Variants in GLS observed in about 807,000 individuals in gnomAD.
GLS encodes glutaminase, also known as glutaminase kidney isoform, mitochondrial.
GLS carries 36 observed loss-of-function variants against 86.7 expected under a neutral mutation model. That is an observed-to-expected ratio of 0.42 (90% CI 0.32 to 0.55). The LOEUF (loss-of-function observed/expected upper bound fraction) is 0.55. Ranked by LOEUF, GLS falls within the 20% of genes least tolerant of loss-of-function variation. The probability of loss-of-function intolerance (pLI) is 0.17; values close to 1 mark genes in which losing one functional copy is unlikely to be tolerated. For missense variants in GLS, 528 were observed against 833.4 expected, an observed-to-expected ratio of 0.63 and a Z score of 4.51; for synonymous variants, 317 against 305.9, an observed-to-expected ratio of 1.04 and a Z score of -0.38.
chr2:190,903,433 G>T (rs1395101790), intron 5 of GLS, among the ~76,000 whole-genome samples: 1 of 152,166 alleles, frequency 6.6e-6, no homozygotes, highest in Non-Finnish European at 1.5e-5. Flanking sequence ...ACCATGTGTT[G>T]AATTAAATGT....
At chr2:190,881,668 C>T in intron 1 of GLS, 198 bp downstream of exon 1, 1 of 529,368 alleles carries the variant, frequency 1.9e-6, no homozygotes, top group Non-Finnish European at 3.2e-6. Context: ...CAACCCTCCG[C>T]CAGGCACCCA....
intron 14 of GLS, chr2:190,934,266 C>G: frequency 3.1e-6 from 3 of 954,224 alleles, no homozygotes; most frequent in Non-Finnish European, 3.7e-6. Flanking sequence ...ATTTTAGATA[C>G]TAGTGCAAAT....
At position 190,881,264 on chromosome 2, in the gene GLS, G is replaced by T; in HGVS notation, c.180G>T (p.Gly60=). 1 of 1,291,994 alleles carries T rather than the reference G, an allele frequency of 7.7e-7. No homozygotes were observed. 80.0% of individuals were successfully genotyped at this position (1,291,994 alleles called of 1,614,324 possible). Residue 60 remains glycine (G), a synonymous_variant, in exon 1 of 18, where the codon GGG becomes GGT. Coordinates refer to ENST00000320717, the MANE Select transcript of GLS (RefSeq NM_014905.5). ...CGCGACTCCACCCGTGGTGGGGCGG[G>T]GGCGGCTGGCCGGCGGAGCCCCTCG... The part of the protein sequence containing the change: ...AAARLHPWWG[G]GGWPAEPLAR...
Position 190,955,945 on chromosome 2 carries a change from A to C in GLS, c.1853+1127A>C, listed in dbSNP as rs1690851025. On this transcript the variant is annotated intron_variant, in intron 17 of 17. Transcript: ENST00000320717. The surrounding 1 kb of genome is among the most constrained non-coding windows in gnomAD (Gnocchi z 5.6). ...CTTCTTTTGAGAAGTGTCTGTTCAC[A>C]TCCTTCACCCACTTTTTGATGGGGT... is the stretch of plus-strand genomic sequence containing the variant. Among the ~76,000 whole-genome samples the C allele has an allele frequency of 6.6e-6, 1 of 152,220 alleles. No individual in the cohort carries two copies. Among genetic ancestry groups the C allele is most frequent in the Non-Finnish European group, 1.5e-5 (1 of 68,028 alleles).
rs1002861468 is a variant in GLS, at chr2:190,927,306, C to T, written c.1249C>T (p.Leu417=). ...GAATTCTGCTTTTTCTTTGTGTTAG[C>T]TGTGCTCCATTGAAGTGACTTGTGA... is the stretch of plus-strand genomic sequence containing the variant. ...MVGILDFYFQ[L]CSIEVTCESA... The change falls in exon 12 of 18, where the codon CTG becomes TTG. Residue 417 remains leucine (L), a splice_region_variant and synonymous_variant. Coordinates refer to ENST00000320717, the MANE Select transcript of GLS (RefSeq NM_014905.5). 2 of 1,604,794 alleles carry T rather than the reference C, an allele frequency of 1.2e-6. No homozygotes were observed. The highest frequency in any genetic ancestry group is 8.5e-7 in the Non-Finnish European group (1 of 1,176,312).
rs917588099 is a variant in GLS, at chr2:190,920,501, C to A, written c.1039-523C>A. On this transcript the variant is annotated intron_variant, in intron 7 of 17. Coordinates refer to ENST00000320717, the MANE Select transcript of GLS (RefSeq NM_014905.5). The surrounding 1 kb of genome is among the most constrained non-coding windows in gnomAD (Gnocchi z 4.2). ...GAGCTTTCTCTGCAGTAGTAAAATGCAACCAGAATGTTTGCATATACTGGA... is the reference window on the plus strand; with the variant it reads ...GAGCTTTCTCTGCAGTAGTAAAATGAAACCAGAATGTTTGCATATACTGGA... 1.8e-4 allele frequency among the ~76,000 whole-genome samples: 27 copies of A among 151,718 alleles called. No homozygotes were observed. The highest frequency in any genetic ancestry group is 1.5e-4 in the Non-Finnish European group (10 of 67,726).
rs759447794 is a variant in GLS, at chr2:190,895,714, T to G, written c.594T>G (p.Asp198Glu). 8.9e-6 allele frequency: 14 copies of G among 1,575,208 alleles called. No homozygotes were observed. The African/African-American group carries it at 1.6e-4, about 18-fold the overall frequency. ...CAGATGGTGTCATGCTAGACAAAGA[T>G]CTTTTTAAAAAGTAAAAGTTTCTGC... ...TTSDGVMLDK[D>E]LFKKCVQSNI... Residue 198 changes from aspartate (D) to glutamate (E), a missense_variant, in exon 3 of 18, where the codon GAT becomes GAG. Around this residue, in one of 4 missense-constraint regions of GLS, gnomAD observed 111 missense variants for 179.5 expected, o/e 0.62. Transcript: ENST00000320717. This position sits in a 1 kb window ranked among gnomAD's most constrained non-coding sequence, Gnocchi z 4.2.
At chr2:190,910,235 A>G (rs758409110) in intron 6 of GLS, 28 bp from the exon 7 acceptor site, 30 of 1,280,364 alleles carry the variant, frequency 2.3e-5, no homozygotes, top group Non-Finnish European at 3.1e-5. Flanking sequence ...AGTATTTGAA[A>G]TAATGGTATT....
chr2:190,940,238 G>T (rs1690386789), intron 14 of GLS, among the ~76,000 whole-genome samples: 1 of 151,862 alleles, frequency 6.6e-6, no homozygotes, highest in Non-Finnish European at 1.5e-5. Flanking sequence ...TGTAAATAAA[G>T]AATGAACTAA....
At chr2:190,942,575 T>C (rs899953917) in intron 14 of GLS, among the ~76,000 whole-genome samples, 5 of 152,138 alleles carry the variant, frequency 3.3e-5, no homozygotes, top group Non-Finnish European at 7.4e-5. Flanking sequence ...GTGATCGTTT[T>C]TGGTGGGTGA....
chr2:190,935,266 C>G lies in GLS; in HGVS notation c.1650+3629C>G, dbSNP rs565255405. On this transcript the variant is annotated intron_variant, in intron 14 of 17. Transcript: ENST00000320717. This position sits in a 1 kb window ranked among gnomAD's most constrained non-coding sequence, Gnocchi z 4.2. Reference sequence around the variant, plus strand: ...TCCAGTATGCCTACATTTTGTATTGCACAATAAATTTATTTTAAGCTGATT... The same window carrying G: ...TCCAGTATGCCTACATTTTGTATTGGACAATAAATTTATTTTAAGCTGATT... The G allele has an allele frequency of 3.2e-6, 2 of 620,534 alleles. No homozygotes were observed. Among genetic ancestry groups the G allele is most frequent in the Admixed American group, 1.3e-4 (2 of 15,704 alleles). 38.4% of individuals were successfully genotyped at this position (620,534 alleles called of 1,614,324 possible).
intron 14 of GLS, among the ~76,000 whole-genome samples, chr2:190,936,177 T>A (rs1690263819): frequency 6.6e-6 from 1 of 151,062 alleles, no homozygotes. Flanking sequence ...TTTTAAAAAA[T>A]TTATTTGAAG....
At chr2:190,911,413 A>G (rs779142880) in intron 7 of GLS, among the ~76,000 whole-genome samples, 6 of 152,118 alleles carry the variant, frequency 3.9e-5, no homozygotes, top group Non-Finnish European at 7.4e-5. Flanking sequence ...AAATTCTTTG[A>G]AAGTATTGGC....
chr2:190,894,069 A>G (rs1688650868), intron 1 of GLS, among the ~76,000 whole-genome samples: 1 of 152,210 alleles, frequency 6.6e-6, no homozygotes, highest in Admixed American at 6.5e-5. Context: ...TTAGTTAATT[A>G]AGATTTTTAA....
Position 190,954,890 on chromosome 2 carries a change from A to G in GLS, c.1853+72A>G, listed in dbSNP as rs1690820966. On this transcript the variant is annotated intron_variant, in intron 17 of 17. Coordinates refer to ENST00000320717, the MANE Select transcript of GLS (RefSeq NM_014905.5). This position sits in a 1 kb window ranked among gnomAD's most constrained non-coding sequence, Gnocchi z 4.0. ...AGGACTGTAATATTCAAGTGATGAT[A>G]ATATTTCAACCTACTAAGACATTCT... The G allele has an allele frequency of 9.6e-7, 1 of 1,036,532 alleles. No individual in the cohort carries two copies. The highest frequency in any genetic ancestry group is 1.6e-5 in the African/African-American group (1 of 62,832). The allele number at this position is 1,036,532 out of a possible 1,614,324, so 64.2% of individuals were successfully genotyped here. A position where few individuals can be genotyped will look rare whatever the true frequency, so the allele number is the denominator to read the frequency against.
Position 190,880,984 on chromosome 2 carries a change from T to C in GLS, c.-101T>C. 1 of 1,334,222 alleles carries C rather than the reference T, an allele frequency of 7.5e-7. No homozygotes were observed. The allele number at this position is 1,334,222 out of a possible 1,614,324, so 82.6% of individuals were successfully genotyped here. ...CAAGTAGCTGCCCTTTCCTCTTCTG[T>C]CATCTCACCGCCCCACCACAGACCG... On this transcript the variant is annotated 5_prime_UTR_variant, in exon 1 of 18. Coordinates refer to ENST00000320717, the MANE Select transcript of GLS (RefSeq NM_014905.5).
At chr2:190,906,161 A>G (rs1467538565) in intron 6 of GLS, among the ~76,000 whole-genome samples, 1 of 152,124 alleles carries the variant, frequency 6.6e-6, no homozygotes, top group African/African-American at 2.4e-5. Flanking sequence ...CAATAAGGAC[A>G]TCATATGCAG....
Position 190,947,930 on chromosome 2 carries a change from G to C in GLS, c.1651-5635G>C, listed in dbSNP as rs929622703. On this transcript the variant is annotated intron_variant, in intron 14 of 17. Transcript: ENST00000320717. The surrounding 1 kb of genome is among the most constrained non-coding windows in gnomAD (Gnocchi z 5.0). ...GTGGCGCTCTTTAACAGACCAGGAA[G>C]CAGACTGTCCCTAAATGAAATACTC... Among the ~76,000 whole-genome samples, 1 of 152,174 alleles carries C rather than the reference G, an allele frequency of 6.6e-6. No individual in the cohort carries two copies. The highest frequency in any genetic ancestry group is 2.4e-5 in the African/African-American group (1 of 41,440).
intron 5 of GLS, 129 bp downstream of exon 5, chr2:190,902,155 A>G: frequency 1.8e-6 from 1 of 555,302 alleles, no homozygotes; most frequent in East Asian, 2.9e-5. Flanking sequence ...TCAAAAGGTA[A>G]ATAAATTTAA....
Sources: gnomAD v4.1 joint callset for allele counts (sites outside exome capture counted in the v4.1 genomes callset) on GRCh38, gnomAD v4.1.1 for gene constraint, gnomAD v4.1.1 regional missense constraint, Gnocchi (gnomAD v3.1) non-coding constraint, MANE v1.5 for transcripts, NCBI Gene and HGNC (gene_info 2026-07-23, HGNC 2026-07-21) for gene names.